DPP10: variants seen among roughly 807,000 people sequenced by gnomAD.
The protein encoded by DPP10 is dipeptidyl peptidase like 10, also known as inactive dipeptidyl peptidase 10.
DPP10 carries 33 observed loss-of-function variants against 120.9 expected under a neutral mutation model. The ratio of observed to expected loss-of-function variants is 0.27; its 90% confidence interval spans 0.21 to 0.37. The LOEUF is 0.37. Ranked by LOEUF, DPP10 falls within the 10% of genes least tolerant of loss-of-function variation. The pLI is 1.00. For synonymous variants in DPP10, 337 were observed against 326.1 expected (o/e 1.03, Z -0.36); for missense variants, 816 against 942.8 (o/e 0.87, Z 1.76).
At chr2:114,851,450 T>C (rs891393843) in intron 1 of DPP10, among the ~76,000 whole-genome samples, 1 of 152,210 alleles carries the variant, frequency 6.6e-6, no homozygotes, top group Non-Finnish European at 1.5e-5. Flanking sequence ...TTCCATTTTA[T>C]AGGAGCTATT....
At chr2:114,530,364 G>T (rs1293725131) in intron 1 of DPP10, among the ~76,000 whole-genome samples, 1 of 152,072 alleles carries the variant, frequency 6.6e-6, no homozygotes, top group Admixed American at 6.6e-5. Context: ...AACCAGGACA[G>T]CAAAAATAAA....
chr2:115,218,965 C>T (rs2056984330), intron 1 of DPP10, among the ~76,000 whole-genome samples: 1 of 152,014 alleles, frequency 6.6e-6, no homozygotes, highest in Admixed American at 6.6e-5. Context: ...TGCATAAATA[C>T]CCATCCTCAT....
At chr2:115,632,043 T>C (rs2085916112) in intron 5 of DPP10, among the ~76,000 whole-genome samples, 1 of 152,172 alleles carries the variant, frequency 6.6e-6, no homozygotes, top group South Asian at 2.1e-4. Flanking sequence ...TATGTGGGAA[T>C]CTAAGTCTCT....
intron 1 of DPP10, among the ~76,000 whole-genome samples, chr2:115,011,007 T>C (rs1702223875): frequency 6.6e-6 from 1 of 152,224 alleles, no homozygotes; most frequent in African/African-American, 2.4e-5. Context: ...TTTAACATGC[T>C]TTAAAAAACT....
intron 5 of DPP10, among the ~76,000 whole-genome samples, chr2:115,536,359 A>G (rs1362396735): frequency 6.6e-6 from 1 of 151,952 alleles, no homozygotes; most frequent in Non-Finnish European, 1.5e-5. Context: ...TGGCTTTACC[A>G]TCTTTTCATG....
At chr2:115,007,359 T>G (rs971771445) in intron 1 of DPP10, among the ~76,000 whole-genome samples, 11 of 152,154 alleles carry the variant, frequency 7.2e-5, no homozygotes, top group African/African-American at 2.7e-4. Context: ...AAAAGGCCTT[T>G]GACAAAATTC....
intron 3 of DPP10, among the ~76,000 whole-genome samples, chr2:115,444,148 A>G (rs1240855097): frequency 6.6e-6 from 1 of 152,222 alleles, no homozygotes; most frequent in Non-Finnish European, 1.5e-5. Flanking sequence ...TCATTATGAA[A>G]GAAGTAAATT....
chr2:115,200,729 T>G (rs2055646120), intron 1 of DPP10, among the ~76,000 whole-genome samples: 1 of 152,212 alleles, frequency 6.6e-6, no homozygotes, highest in African/African-American at 2.4e-5. Flanking sequence ...GGCTCTGGAC[T>G]CTTTCTGAAC....
chr2:114,727,248 T>A (rs1230502363), intron 1 of DPP10, among the ~76,000 whole-genome samples: 1 of 152,080 alleles, frequency 6.6e-6, no homozygotes, highest in African/African-American at 2.4e-5. Context: ...AGTGAGCCTG[T>A]GAGGGCAGCA....
At chr2:115,825,785 C>T (rs1688250902) in intron 21 of DPP10, among the ~76,000 whole-genome samples, 2 of 152,206 alleles carry the variant, frequency 1.3e-5, no homozygotes, top group Non-Finnish European at 2.9e-5. Context: ...TTGGCTATGC[C>T]ATAAGACAAA....
At position 114,760,505 on chromosome 2, in the gene DPP10, C is replaced by T. The variant is rs527908778; in HGVS notation, c.60+317667C>T. 5.9e-5 allele frequency among the ~76,000 whole-genome samples: 9 copies of T among 151,590 alleles called. No individual in the cohort carries two copies. The South Asian group carries it at 1.9e-3, about 32-fold the overall frequency. On this transcript the variant is annotated intron_variant, in intron 1 of 25. Transcript: ENST00000410059. The stretch of plus-strand genomic sequence containing the variant: ...CCTGGAAGTACAAGTATTTCATTTT[C>T]CTCAATTCCTTACTGTTTTTTATCT...
chr2:115,742,344 C>T (rs998400282), intron 9 of DPP10, among the ~76,000 whole-genome samples: 1 of 152,134 alleles, frequency 6.6e-6, no homozygotes, highest in Non-Finnish European at 1.5e-5. Context: ...TCTGTTTGCT[C>T]CATTTACTCC....
intron 1 of DPP10, among the ~76,000 whole-genome samples, chr2:115,164,512 G>A (rs1216229409): frequency 6.6e-6 from 1 of 151,956 alleles, no homozygotes; most frequent in Non-Finnish European, 1.5e-5. Flanking sequence ...TGGTTAAATA[G>A]GGCACATGTT....
chr2:115,356,035 A>G (rs950451924), intron 3 of DPP10, among the ~76,000 whole-genome samples: 1 of 152,062 alleles, frequency 6.6e-6, no homozygotes, highest in Non-Finnish European at 1.5e-5. Context: ...TCTTGGCTAT[A>G]CAGGGTCTTC....
chr2:114,753,919 AAAAAAAAAAAAAAG>A (rs1429568324), intron 1 of DPP10, among the ~76,000 whole-genome samples: 2 of 151,208 alleles, frequency 1.3e-5, no homozygotes, highest in Non-Finnish European at 3.0e-5. Flanking sequence ...AAAAAAAAAA[AAAAAAAAAAAAAAG>A]AAAAGAAATA....
chr2:115,059,769 C>T (rs1203238599), intron 1 of DPP10, among the ~76,000 whole-genome samples: 2 of 150,506 alleles, frequency 1.3e-5, no homozygotes, highest in Non-Finnish European at 2.9e-5. Flanking sequence ...AAAACAGCTT[C>T]CTGATAGCTG....
intron 1 of DPP10, among the ~76,000 whole-genome samples, chr2:114,927,128 C>CG (rs1282338101): frequency 6.6e-6 from 1 of 151,970 alleles, no homozygotes; most frequent in Non-Finnish European, 1.5e-5. Context: ...GGATTACAGG[C>CG]GTGAGCCACC....
intron 3 of DPP10, among the ~76,000 whole-genome samples, chr2:115,455,846 C>T (rs1449491355): frequency 6.6e-6 from 1 of 152,022 alleles, no homozygotes; most frequent in Non-Finnish European, 1.5e-5. Context: ...AAACATAAGA[C>T]TAAAAACCAT....
chr2:115,802,952 T>A (rs1301732728), intron 19 of DPP10, among the ~76,000 whole-genome samples: 1 of 152,164 alleles, frequency 6.6e-6, no homozygotes, highest in African/African-American at 2.4e-5. Context: ...TAGGTCTGCT[T>A]GGTGCAGAGC....
Sources: allele counts gnomAD v4.1 joint callset (sites outside exome capture counted in the v4.1 genomes callset), GRCh38; gene constraint gnomAD v4.1.1; transcripts MANE v1.5; gene names NCBI Gene and HGNC (gene_info 2026-07-23, HGNC 2026-07-21).